ST6GAL1: variants seen among roughly 807,000 people sequenced by gnomAD.
ST6GAL1 encodes the protein ST6 beta-galactoside alpha-2,6-sialyltransferase 1, also known as beta-galactoside alpha-2,6-sialyltransferase 1.
A neutral mutation model predicts 38.0 loss-of-function variants in ST6GAL1; 20 were observed. The observed-to-expected ratio is 0.53, with a 90% CI of 0.37 to 0.77. The LOEUF is 0.77. Among genes scored for constraint, ST6GAL1 ranks in the 30% least tolerant of loss-of-function variants. The pLI, the probability that ST6GAL1 is intolerant of heterozygous loss-of-function variation, is 0.00. For missense variants in ST6GAL1, 432 were observed against 496.4 expected, an observed-to-expected ratio of 0.87 and a Z score of 1.23; for synonymous variants, 196 against 188.2, an observed-to-expected ratio of 1.04 and a Z score of -0.34.
rs1391601509 is a variant in ST6GAL1 at position 186,983,329 on chromosome 3, A to G, written c.-183+19403A>G. 2.0e-5 allele frequency among the ~76,000 whole-genome samples: 3 copies of G among 152,240 alleles called. No homozygotes were observed. In the East Asian group the frequency reaches 5.8e-4, roughly 29 times the overall value. On this transcript the variant is annotated intron_variant, in intron 2 of 7. Coordinates refer to ENST00000169298, the MANE Select transcript of ST6GAL1 (RefSeq NM_173216.2). ...ATTAAAATGACATTTTAATTTGATT[A>G]GAATATAATTGAGATTTAAGTAAAA...
intron 1 of ST6GAL1, among the ~76,000 whole-genome samples, chr3:186,940,156 CATGCCACCCTGGGT>C (rs1714113137): frequency 6.6e-6 from 1 of 152,200 alleles, no homozygotes; most frequent in Non-Finnish European, 1.5e-5. Context: ...TGGACAAATG[CATGCCACCCTGGGT>C]ATGCCACCTC....
intron 2 of ST6GAL1, among the ~76,000 whole-genome samples, chr3:187,011,044 G>A (rs1340406368): frequency 6.6e-6 from 1 of 152,160 alleles, no homozygotes; most frequent in South Asian, 2.1e-4. Flanking sequence ...TCAAAGTGTG[G>A]CGTTTTCTCT....
intron 2 of ST6GAL1, among the ~76,000 whole-genome samples, chr3:187,015,771 C>T (rs990529240): frequency 5.3e-5 from 8 of 151,762 alleles, no homozygotes; most frequent in Non-Finnish European, 8.8e-5. Context: ...GCTGGGAGGT[C>T]GAGGCTGCAG....
intron 1 of ST6GAL1, among the ~76,000 whole-genome samples, chr3:186,953,031 C>A (rs1714633844): frequency 6.6e-6 from 1 of 152,184 alleles, no homozygotes; most frequent in Non-Finnish European, 1.5e-5. Flanking sequence ...GAAACAACTA[C>A]TTAATTCATC....
At chr3:187,014,717 C>T (rs1410064073) in intron 2 of ST6GAL1, among the ~76,000 whole-genome samples, 2 of 152,160 alleles carry the variant, frequency 1.3e-5, no homozygotes, top group African/African-American at 2.4e-5. Context: ...ATTTGCGGTT[C>T]CTTCATCTAT....
chr3:186,987,351 A>C (rs1464105573), intron 2 of ST6GAL1, among the ~76,000 whole-genome samples: 1 of 152,192 alleles, frequency 6.6e-6, no homozygotes, highest in Non-Finnish European at 1.5e-5. Context: ...TTCCTTATCC[A>C]GTGAAGGGTA....
intron 5 of ST6GAL1, among the ~76,000 whole-genome samples, chr3:187,055,494 T>C (rs1320085569): frequency 6.6e-6 from 1 of 152,228 alleles, no homozygotes; most frequent in Non-Finnish European, 1.5e-5. Context: ...CCAGACATTC[T>C]GGTATGTTGT....
At position 186,941,289 on chromosome 3, in the gene ST6GAL1, T is replaced by C. The variant is rs534472733; in HGVS notation, c.-325+10455T>C. Among the ~76,000 whole-genome samples, 30 of 150,574 alleles carry C rather than the reference T, an allele frequency of 2.0e-4. No homozygotes were observed. In the South Asian group the frequency reaches 2.8e-3, roughly 14 times the overall value. ...AACTGAAGAAAAGGAGTGTTTGATCTCGGGCTCTGGAGGAGGAATTGTTAC... is the reference window on the plus strand; with the variant it reads ...AACTGAAGAAAAGGAGTGTTTGATCCCGGGCTCTGGAGGAGGAATTGTTAC... On this transcript the variant is annotated intron_variant, in intron 1 of 7. Coordinates refer to ENST00000169298, the MANE Select transcript of ST6GAL1 (RefSeq NM_173216.2).
At chr3:186,981,333 A>G (rs973723542) in intron 2 of ST6GAL1, among the ~76,000 whole-genome samples, 9 of 152,156 alleles carry the variant, frequency 5.9e-5, no homozygotes, top group African/African-American at 2.2e-4. Flanking sequence ...CTCTAGTTAC[A>G]TTTTACTGTT....
intron 1 of ST6GAL1, among the ~76,000 whole-genome samples, 169 bp from the exon 2 acceptor site, chr3:186,963,616 C>T (rs923472863): frequency 6.6e-6 from 1 of 152,168 alleles, no homozygotes; most frequent in Admixed American, 6.5e-5. Context: ...ATTGTACAAC[C>T]CCAGAGGGAT....
intron 2 of ST6GAL1, among the ~76,000 whole-genome samples, chr3:187,012,501 A>C (rs1579320814): frequency 1.3e-5 from 2 of 152,012 alleles, no homozygotes; most frequent in Non-Finnish European, 2.9e-5. Context: ...TGATCCATCC[A>C]CCTCAGCCTC....
chr3:187,023,891 T>TA lies in ST6GAL1; in HGVS notation c.-182-14837dup, dbSNP rs59561414. On this transcript the variant is annotated intron_variant, in intron 2 of 7. Transcript: ENST00000169298. ...CTAAAACTTAAAGTATAATAATAAT[T>TA]AAAAAAAAAAAAAAGAATGAACCTA... 9.3e-3 allele frequency among the ~76,000 whole-genome samples: 1,289 copies of TA among 138,386 alleles called. 5 individuals carry two copies. Among genetic ancestry groups the TA allele is most frequent in the Non-Finnish European group, 0.013 (810 of 63,418 alleles). 90.8% of individuals were successfully genotyped at this position (138,386 alleles called of 152,430 possible).
At chr3:187,074,071 C>T in intron 6 of ST6GAL1, 88 bp from the exon 7 acceptor site, 1 of 1,235,220 alleles carries the variant, frequency 8.1e-7, no homozygotes, top group Non-Finnish European at 1.1e-6. Context: ...CCTTTCCCCT[C>T]CCCATGTCCA....
chr3:186,940,626 C>G (rs1714134179), intron 1 of ST6GAL1, among the ~76,000 whole-genome samples: 1 of 152,104 alleles, frequency 6.6e-6, no homozygotes, highest in Admixed American at 6.5e-5. Context: ...CATCAGCTAT[C>G]ATTAGTGTTA....
At chr3:186,971,082 A>G (rs762640415) in intron 2 of ST6GAL1, among the ~76,000 whole-genome samples, 2 of 152,040 alleles carry the variant, frequency 1.3e-5, no homozygotes, top group Non-Finnish European at 2.9e-5. Context: ...CTTTTTCTCA[A>G]CTTTAGCTGT....
At chr3:186,960,501 G>A (rs2108525524) in intron 1 of ST6GAL1, among the ~76,000 whole-genome samples, 1 of 152,280 alleles carries the variant, frequency 6.6e-6, no homozygotes, top group South Asian at 2.1e-4. Flanking sequence ...TCAGAGAGCA[G>A]AACTTGTGGT....
chr3:186,992,077 G>A (rs529657535), intron 2 of ST6GAL1, among the ~76,000 whole-genome samples: 3 of 152,082 alleles, frequency 2.0e-5, no homozygotes, highest in East Asian at 1.9e-4. Context: ...TCAGTATCCC[G>A]CCATAAATAC....
chr3:186,957,060 A>G (rs1198783139), intron 1 of ST6GAL1, among the ~76,000 whole-genome samples: 1 of 152,242 alleles, frequency 6.6e-6, no homozygotes, highest in Non-Finnish European at 1.5e-5. Flanking sequence ...ACTTTTGGAA[A>G]TTAAAAGTGT....
chr3:186,975,949 TTCTG>T (rs1715506290), intron 2 of ST6GAL1, among the ~76,000 whole-genome samples: 1 of 152,216 alleles, frequency 6.6e-6, no homozygotes, highest in Non-Finnish European at 1.5e-5. Flanking sequence ...GGACTGTTTC[TTCTG>T]AGGACAGCCT....
Sources: allele counts gnomAD v4.1 joint callset (sites outside exome capture counted in the v4.1 genomes callset), GRCh38; gene constraint gnomAD v4.1.1; transcripts MANE v1.5; gene names NCBI Gene and HGNC (gene_info 2026-07-23, HGNC 2026-07-21).